Variants in USO1 observed in about 807,000 individuals in gnomAD.
USO1 encodes general vesicular transport factor p115.
Under a neutral mutation model 124.5 loss-of-function variants are expected in USO1, and 57 were observed. The observed-to-expected ratio is 0.46, with a 90% CI of 0.37 to 0.57. The LOEUF (loss-of-function observed/expected upper bound fraction) is 0.57, where lower values mean the gene tolerates loss of function less well. Among genes scored for constraint, USO1 ranks in the 20% least tolerant of loss-of-function variants. The pLI is 0.00. For missense variants in USO1, 900 were observed against 1,040.6 expected (o/e 0.86, Z 1.86); for synonymous variants, 369 against 362.8 (o/e 1.02, Z -0.19).
intron 12 of USO1, among the ~76,000 whole-genome samples, chr4:75,791,761 G>GT (rs1363627080): frequency 6.6e-6 from 1 of 151,476 alleles, no homozygotes; most frequent in Non-Finnish European, 1.5e-5. Context: ...ATACATTGAG[G>GT]TTTTTTGTTA....
In USO1 at chr4:75,751,832, CA is replaced by C. The variant is rs1202240365; in HGVS notation, c.67-530del. Among the ~76,000 whole-genome samples, 28 of 143,728 alleles carry C rather than the reference CA, an allele frequency of 1.9e-4. 1 individual carries two copies. The highest frequency in any genetic ancestry group is 7.2e-3 in the Middle Eastern group (2 of 278). 94.3% of individuals were successfully genotyped at this position (143,728 alleles called of 152,430 possible). ...GGGGGACAAGAGCGAGACTTCGTCTCAAAAAAAAAAATTTTTTTTTTGGTTT... is the reference window on the plus strand; with the variant it reads ...GGGGGACAAGAGCGAGACTTCGTCTCAAAAAAAAAATTTTTTTTTTGGTTT... On this transcript the variant is annotated intron_variant, in intron 1 of 23. Coordinates refer to ENST00000514213, the MANE Select transcript of USO1 (RefSeq NM_003715.4).
intron 20 of USO1, among the ~76,000 whole-genome samples, chr4:75,808,121 T>C (rs1381793526): frequency 6.6e-6 from 1 of 152,118 alleles, no homozygotes; most frequent in African/African-American, 2.4e-5. Context: ...GATGGGGGGA[T>C]ATGGGGAGAA....
Position 75,793,917 on chromosome 4 carries a change from A to G in USO1, c.1452+16A>G. On this transcript the variant is annotated intron_variant, in intron 13 of 23. Transcript: ENST00000514213. The stretch of plus-strand genomic sequence containing the variant: ...TCTTTCACAGGTAAAGTTTTGCATA[A>G]GGGAAAAAGTTCTATACATTTTGAT... 6.2e-7 allele frequency: 1 copy of G among 1,613,686 alleles called. No individual in the cohort carries two copies. Among genetic ancestry groups the G allele is most frequent in the South Asian group, 1.1e-5 (1 of 91,008 alleles).
intron 7 of USO1, among the ~76,000 whole-genome samples, chr4:75,772,674 T>A (rs572469415): frequency 8.5e-5 from 13 of 152,358 alleles, no homozygotes; most frequent in African/African-American, 3.1e-4. Context: ...AAGCTTCTGT[T>A]CTATTCTTTC....
intron 1 of USO1, among the ~76,000 whole-genome samples, chr4:75,742,489 T>A (rs1435033431): frequency 6.6e-6 from 1 of 152,174 alleles, no homozygotes; most frequent in Non-Finnish European, 1.5e-5. Context: ...CTGAGGCATT[T>A]GTTTCTTGTT....
intron 13 of USO1, among the ~76,000 whole-genome samples, chr4:75,796,451 T>C (rs1722684164): frequency 6.6e-6 from 1 of 151,372 alleles, no homozygotes; most frequent in South Asian, 2.1e-4. Context: ...TTCTCCTGCC[T>C]CAGCCTCCTG....
intron 17 of USO1, among the ~76,000 whole-genome samples, chr4:75,803,086 T>TC (rs1722898558): frequency 2.0e-5 from 1 of 49,308 alleles, no homozygotes; most frequent in African/African-American, 5.8e-5. Context: ...AAACTCTGTC[T>TC]CAAAAAAAAA....
chr4:75,758,195 C>G (rs1031020067), intron 4 of USO1, among the ~76,000 whole-genome samples: 1 of 152,066 alleles, frequency 6.6e-6, no homozygotes, highest in African/African-American at 2.4e-5. Flanking sequence ...AGTCTGTATA[C>G]ATTTTGTCCT....
At chr4:75,802,481 T>C (rs1417591905) in intron 17 of USO1, among the ~76,000 whole-genome samples, 1 of 152,210 alleles carries the variant, frequency 6.6e-6, no homozygotes, top group Non-Finnish European at 1.5e-5. Flanking sequence ...TAAATATTCT[T>C]ACCATTTAAA....
intron 1 of USO1, among the ~76,000 whole-genome samples, chr4:75,733,053 G>A (rs972547348): frequency 1.4e-4 from 21 of 151,416 alleles, no homozygotes; most frequent in Non-Finnish European, 2.1e-4. Context: ...AAGGTCAGGA[G>A]TTCGAGACCA....
At chr4:75,802,512 A>G (rs1454620344) in intron 17 of USO1, among the ~76,000 whole-genome samples, 3 of 152,178 alleles carry the variant, frequency 2.0e-5, no homozygotes, top group Non-Finnish European at 4.4e-5. Context: ...GCATTAGTCC[A>G]CAAGCATCTA....
intron 4 of USO1, among the ~76,000 whole-genome samples, chr4:75,766,852 T>C (rs371692943): frequency 6.6e-6 from 1 of 152,228 alleles, no homozygotes; most frequent in African/African-American, 2.4e-5. Flanking sequence ...CAAAAATCTT[T>C]GTGAGCTTCT....
intron 1 of USO1, among the ~76,000 whole-genome samples, chr4:75,733,609 A>G (rs747635333): frequency 3.9e-4 from 59 of 152,078 alleles, no homozygotes; most frequent in African/African-American, 1.4e-3. Context: ...TTTCTTGCCT[A>G]TGTATATGTA....
intron 8 of USO1, among the ~76,000 whole-genome samples, chr4:75,781,944 A>G (rs909069988): frequency 1.3e-5 from 2 of 152,140 alleles, no homozygotes; most frequent in African/African-American, 4.8e-5. Flanking sequence ...TCAATTGGAG[A>G]GTTTTCACTG....
At chr4:75,748,523 C>G (rs1369655054) in intron 1 of USO1, among the ~76,000 whole-genome samples, 1 of 152,148 alleles carries the variant, frequency 6.6e-6, no homozygotes, top group Non-Finnish European at 1.5e-5. Flanking sequence ...GTTTCTCTAC[C>G]AACATTGAAC....
At chr4:75,788,145 C>T (rs78000500) in intron 10 of USO1, among the ~76,000 whole-genome samples, 1,536 of 147,396 alleles carry the variant, frequency 0.01, 62 homozygotes, top group Admixed American at 0.071. Context: ...TATCTGGATC[C>T]TATATCTTTA....
At chr4:75,805,370 T>C (rs1327210234) in intron 19 of USO1, 67 bp downstream of exon 19, 2 of 1,456,344 alleles carry the variant, frequency 1.4e-6, no homozygotes, top group African/African-American at 1.4e-5. Flanking sequence ...TGCCTTTTTT[T>C]TTTTTCCTTG....
At chr4:75,745,212 T>TCA (rs1553897622) in intron 1 of USO1, 1 of 295,374 alleles carries the variant, frequency 3.4e-6, no homozygotes, top group South Asian at 3.1e-5. Flanking sequence ...TCTTTCTTTT[T>TCA]TATATATATA....
chr4:75,786,056 T>G (rs1260218929), intron 9 of USO1, among the ~76,000 whole-genome samples: 1 of 152,208 alleles, frequency 6.6e-6, no homozygotes, highest in Non-Finnish European at 1.5e-5. Context: ...CATTACTCAC[T>G]GAGTTAACTA....
Sources: allele counts gnomAD v4.1 joint callset (sites outside exome capture counted in the v4.1 genomes callset), GRCh38; gene constraint gnomAD v4.1.1; transcripts MANE v1.5; gene names NCBI Gene and HGNC (gene_info 2026-07-23, HGNC 2026-07-21).